The following ITSN2 variants were observed in gnomAD, a reference collection of about 807,000 sequenced individuals.
The protein encoded by ITSN2 is intersectin-2.
Under a neutral mutation model 243.7 loss-of-function variants are expected in ITSN2, and 156 were observed. The ratio of observed to expected loss-of-function variants is 0.64; its 90% CI spans 0.56 to 0.73. The LOEUF (loss-of-function observed/expected upper bound fraction) is 0.73, where lower values mean the gene tolerates loss of function less well. ITSN2 is among the 30% of genes least tolerant of loss of function. The probability of loss-of-function intolerance (pLI) is 0.00; values close to 1 mark genes in which losing one functional copy is unlikely to be tolerated. For synonymous variants in ITSN2, 703 were observed against 699.9 expected, an observed-to-expected ratio of 1.00 and a Z score of -0.07; for missense variants, 1,801 against 1,996.1, an observed-to-expected ratio of 0.90 and a Z score of 1.86.
intron 1 of ITSN2, among the ~76,000 whole-genome samples, chr2:24,338,128 G>C (rs1051212814): frequency 6.6e-6 from 1 of 152,120 alleles, no homozygotes; most frequent in African/African-American, 2.4e-5. Flanking sequence ...AGTCTGATAA[G>C]AAGCATTTAC....
chr2:24,212,837 C>A (rs1197668214), intron 32 of ITSN2, 89 bp from the exon 33 acceptor site: 1 of 1,055,136 alleles, frequency 9.5e-7, no homozygotes, highest in Non-Finnish European at 1.5e-6. Context: ...TTTCACATTT[C>A]TTTTATTTAT....
chr2:24,214,461 C>T (rs1453671888), intron 32 of ITSN2: 29 of 152,066 alleles, frequency 1.9e-4, no homozygotes, highest in Admixed American at 1.8e-3. Flanking sequence ...TGTATAGTAT[C>T]GTAATAGTAA....
chr2:24,298,534 G>C, intron 13 of ITSN2, 131 bp downstream of exon 13: 1 of 731,980 alleles, frequency 1.4e-6, no homozygotes, highest in East Asian at 2.9e-5. Context: ...TGCCCCAGTT[G>C]ATCTGCCTGC....
At chr2:24,239,621 A>T (rs1672516115) in intron 29 of ITSN2, 1 of 152,116 alleles carries the variant, frequency 6.6e-6, no homozygotes, top group South Asian at 2.1e-4. Flanking sequence ...ACAGAAATTC[A>T]AATTTATTCA....
Position 24,248,700 on chromosome 2 carries a change from T to C in ITSN2, c.3217A>G (p.Ser1073Gly). ...AATATTAACTGTCCTGGTGCAAGGC[T>C]AAGTTGTTCAGAACCAGAAGCAACA... Reference protein sequence around the residue: ...AYVASGSEQLSLAPGQLILIL... With the variant: ...AYVASGSEQLGLAPGQLILIL... The change falls in exon 27 of 40, where the codon AGC becomes GGC. Residue 1073 changes from serine to glycine, a missense_variant. Physicochemically the swap from Ser to Gly is moderately conservative, Grantham distance 56. Transcript: ENST00000355123. 1 of 1,613,408 alleles carries C rather than the reference T, an allele frequency of 6.2e-7. No individual in the cohort carries two copies. Among genetic ancestry groups the C allele is most frequent in the Non-Finnish European group, 8.5e-7 (1 of 1,179,596 alleles).
chr2:24,215,409 G>A (rs1669859891), intron 32 of ITSN2, among the ~76,000 whole-genome samples: 1 of 152,136 alleles, frequency 6.6e-6, no homozygotes, highest in Non-Finnish European at 1.5e-5. Flanking sequence ...GCTTACACCT[G>A]TAATCCAAGC....
intron 9 of ITSN2, among the ~76,000 whole-genome samples, chr2:24,303,541 G>A (rs1241550758): frequency 6.6e-6 from 1 of 152,202 alleles, no homozygotes; most frequent in East Asian, 1.9e-4. Context: ...AAGTTAAAAA[G>A]TTATTGTATG....
At chr2:24,315,720 T>A (rs192931385) in intron 2 of ITSN2, among the ~76,000 whole-genome samples, 504 of 152,194 alleles carry the variant, frequency 3.3e-3, no homozygotes, top group Non-Finnish European at 4.4e-3. Flanking sequence ...AATGAGTGAG[T>A]TCCTCACAAT....
Position 24,286,326 on chromosome 2 carries a change from T to C in ITSN2, c.1749A>G (p.Lys583=), listed in dbSNP as rs1450039915. The part of the protein sequence containing the change: ...TPDSGVSLLH[K]KSLEKEELCQ... ...ATAATTCTTCCTTTTCTAATGATTTTTTATGAAGTAAACTGACCCCTGAAT... is the reference window on the plus strand; with the variant it reads ...ATAATTCTTCCTTTTCTAATGATTTCTTATGAAGTAAACTGACCCCTGAAT... The change falls in exon 16 of 40, where the codon AAA becomes AAG. Residue 583 remains lysine, a synonymous_variant. Coordinates refer to ENST00000355123, the MANE Select transcript of ITSN2 (RefSeq NM_006277.3). 1.2e-5 allele frequency: 20 copies of C among 1,611,768 alleles called. No homozygotes were observed. Among genetic ancestry groups the C allele is most frequent in the Admixed American group, 1.7e-5 (1 of 59,830 alleles).
intron 37 of ITSN2, among the ~76,000 whole-genome samples, chr2:24,207,610 GGCCATGGGGTCCAGAGGGAAGGCA>G (rs1203951201): frequency 9.2e-5 from 14 of 152,038 alleles, no homozygotes; most frequent in East Asian, 3.9e-4. Flanking sequence ...CTGGGAAGGC[GGCCATGGGGTCCAGAGGGAAGGCA>G]GCGCCTCAGT....
chr2:24,212,635 G>A lies in ITSN2; in HGVS notation c.4089+15C>T, dbSNP rs761981814. The A allele has an allele frequency of 1.6e-5, 25 of 1,591,742 alleles. No individual in the cohort carries two copies. In the East Asian group the frequency reaches 2.5e-4, roughly 16 times the overall value. The stretch of plus-strand genomic sequence containing the variant: ...GCTCCTAACTCAGACCCCACTGCCC[G>A]GCCTGCACACTCACACTTCTGATGA... On this transcript the variant is annotated intron_variant, in intron 33 of 39. Coordinates refer to ENST00000355123, the MANE Select transcript of ITSN2 (RefSeq NM_006277.3).
chr2:24,272,350 C>G (rs776399271), intron 18 of ITSN2, among the ~76,000 whole-genome samples: 1 of 151,936 alleles, frequency 6.6e-6, no homozygotes, highest in African/African-American at 2.4e-5. Flanking sequence ...TCCCACTGTC[C>G]TATCTAATCT....
rs1668703900 is a variant in ITSN2 at position 24,204,870 on chromosome 2, T to C, written c.4762+344A>G. On this transcript the variant is annotated intron_variant, in intron 38 of 39. Transcript: ENST00000355123. The surrounding 1 kb of genome is among the most constrained non-coding windows in gnomAD (Gnocchi z 5.1). The stretch of plus-strand genomic sequence containing the variant: ...ATCAGTGGCTGGGCGCAGTGGCACT[T>C]TGTCAGTGACAAAGTGCTGTAATCC... 5.0e-6 allele frequency: 2 copies of C among 396,890 alleles called. No homozygotes were observed. The highest frequency in any genetic ancestry group is 3.6e-4 in the Middle Eastern group (1 of 2,768). 24.6% of individuals were successfully genotyped at this position (396,890 alleles called of 1,614,324 possible). A position where few individuals can be genotyped will look rare whatever the true frequency, so the allele number is the denominator to read the frequency against.
chr2:24,361,004 G>T (rs560035889), upstream of ITSN2, among the ~76,000 whole-genome samples: 1 of 152,332 alleles, frequency 6.6e-6, no homozygotes, highest in South Asian at 2.1e-4. Flanking sequence ...TGGGAAGGAG[G>T]TTGATCCCAC....
chr2:24,275,900 G>A, intron 17 of ITSN2, 51 bp from the exon 18 acceptor site: 1 of 1,354,456 alleles, frequency 7.4e-7, no homozygotes, highest in Non-Finnish European at 1.0e-6. Flanking sequence ...AAATATGCTT[G>A]TCATATGTAT....
chr2:24,358,762 T>A (rs1688685464), intron 1 of ITSN2, among the ~76,000 whole-genome samples: 1 of 152,206 alleles, frequency 6.6e-6, no homozygotes, highest in Non-Finnish European at 1.5e-5. Flanking sequence ...ACACTATTAA[T>A]CCAATCCCCA....
rs570424010 is a variant in ITSN2, at chr2:24,357,901, C to T, written c.-34+2403G>A. The stretch of plus-strand genomic sequence containing the variant: ...CTAAACACATATTTTTTACTGAATG[C>T]CCATATAACTTTTTTTTTCTTTTTT... On this transcript the variant is annotated intron_variant, in intron 1 of 39. Transcript: ENST00000355123. 3.3e-5 allele frequency among the ~76,000 whole-genome samples: 5 copies of T among 152,178 alleles called. No homozygotes were observed. The South Asian group carries it at 1.0e-3, about 32-fold the overall frequency.
chr2:24,310,733 C>A, intron 5 of ITSN2, 41 bp from the exon 6 acceptor site: 1 of 1,553,700 alleles, frequency 6.4e-7, no homozygotes, highest in Non-Finnish European at 8.8e-7. Flanking sequence ...GCTAGAAAAT[C>A]AATTATAAAA....
intron 15 of ITSN2, among the ~76,000 whole-genome samples, chr2:24,291,510 A>T (rs1473411260): frequency 1.3e-5 from 1 of 76,944 alleles, no homozygotes. Flanking sequence ...TTTTTTTTTG[A>T]GACGGAGTCT....
Sources: gnomAD v4.1 joint callset for allele counts (sites outside exome capture counted in the v4.1 genomes callset) on GRCh38, gnomAD v4.1.1 for gene constraint, Gnocchi (gnomAD v3.1) non-coding constraint, MANE v1.5 for transcripts, NCBI Gene and HGNC (gene_info 2026-07-23, HGNC 2026-07-21) for gene names.